AP3B1: variants seen among roughly 807,000 people sequenced by gnomAD.
AP3B1 encodes the protein adaptor related protein complex 3 subunit beta 1.
AP3B1 carries 61 observed loss-of-function variants against 132.5 expected under a neutral mutation model. The ratio of observed to expected loss-of-function variants is 0.46; its 90% CI spans 0.37 to 0.57. The LOEUF (loss-of-function observed/expected upper bound fraction) is 0.57. Ranked by LOEUF, AP3B1 falls within the 20% of genes least tolerant of loss-of-function variation. The pLI is 0.00. For synonymous variants in AP3B1, 388 were observed against 438.3 expected (o/e 0.89, Z 1.43); for missense variants, 1,120 against 1,289.4 (o/e 0.87, Z 2.01).
intron 14 of AP3B1, among the ~76,000 whole-genome samples, chr5:78,143,985 A>ACTC (rs1753271043): frequency 6.6e-6 from 1 of 152,122 alleles, no homozygotes; most frequent in South Asian, 2.1e-4. Context: ...AGCCTGGGTG[A>ACTC]CAGAGCGAGA....
intron 2 of AP3B1, among the ~76,000 whole-genome samples, chr5:78,247,617 T>C (rs1747433938): frequency 1.3e-5 from 2 of 152,070 alleles, no homozygotes; most frequent in South Asian, 2.1e-4. Flanking sequence ...CTAACCATAC[T>C]ATTTGTTCAA....
At chr5:78,164,797 C>A (rs1488849551) in intron 12 of AP3B1, among the ~76,000 whole-genome samples, 1 of 151,898 alleles carries the variant, frequency 6.6e-6, no homozygotes, top group African/African-American at 2.4e-5. Context: ...AAAAAGAAAT[C>A]GTGTATACAG....
chr5:78,156,653 A>T (rs953181545), intron 13 of AP3B1, among the ~76,000 whole-genome samples: 2 of 152,230 alleles, frequency 1.3e-5, no homozygotes. Context: ...ACGTTGGATT[A>T]TGCTGCTCAC....
chr5:78,265,480 T>A (rs918061919), intron 2 of AP3B1, among the ~76,000 whole-genome samples: 1 of 152,076 alleles, frequency 6.6e-6, no homozygotes, highest in Non-Finnish European at 1.5e-5. Flanking sequence ...AATGAACTTA[T>A]CAAGAGTGGT....
intron 15 of AP3B1, 140 bp downstream of exon 15, chr5:78,141,003 C>A: frequency 1.3e-6 from 1 of 758,966 alleles, no homozygotes; most frequent in Non-Finnish European, 2.4e-6. Flanking sequence ...GCACTAGTAT[C>A]ATCTAACATA....
intron 7 of AP3B1, among the ~76,000 whole-genome samples, chr5:78,184,365 TA>T (rs963290681): frequency 9.2e-5 from 14 of 151,528 alleles, no homozygotes; most frequent in Non-Finnish European, 1.9e-4. Flanking sequence ...TGAACAAAGA[TA>T]AAATAGACTA....
At chr5:78,082,725 C>T (rs1233668119) in intron 22 of AP3B1, among the ~76,000 whole-genome samples, 1 of 152,082 alleles carries the variant, frequency 6.6e-6, no homozygotes, top group Non-Finnish European at 1.5e-5. Context: ...AGTGTATTTC[C>T]ACAGAAAACC....
intron 14 of AP3B1, among the ~76,000 whole-genome samples, chr5:78,147,182 C>A (rs1753441140): frequency 6.6e-6 from 1 of 151,960 alleles, no homozygotes; most frequent in Admixed American, 6.6e-5. Flanking sequence ...TATTTGGTTG[C>A]CATATTTTTT....
intron 21 of AP3B1, among the ~76,000 whole-genome samples, 180 bp from the exon 22 acceptor site, chr5:78,089,679 T>C (rs1459283321): frequency 2.6e-5 from 4 of 152,216 alleles, no homozygotes; most frequent in Admixed American, 2.0e-4. Context: ...TTATTAGTCT[T>C]AGCTTTCAAA....
intron 7 of AP3B1, among the ~76,000 whole-genome samples, chr5:78,197,305 A>C (rs890907777): frequency 2.6e-5 from 4 of 152,138 alleles, no homozygotes; most frequent in African/African-American, 9.7e-5. Context: ...TCAGAATAAA[A>C]TATAGCTTTT....
At chr5:78,111,986 T>C (rs114758189) in intron 19 of AP3B1, among the ~76,000 whole-genome samples, 96 of 152,310 alleles carry the variant, frequency 6.3e-4, no homozygotes, top group African/African-American at 2.3e-3. Flanking sequence ...CACTATGTCA[T>C]ACTATCTCCC....
intron 21 of AP3B1, among the ~76,000 whole-genome samples, chr5:78,099,269 C>T (rs1013315486): frequency 3.3e-5 from 5 of 152,152 alleles, no homozygotes; most frequent in Non-Finnish European, 5.9e-5. Flanking sequence ...GTTATGCCAG[C>T]TCAAAGGGAC....
At chr5:78,052,021 A>T (rs904173826) in intron 22 of AP3B1, among the ~76,000 whole-genome samples, 2 of 151,422 alleles carry the variant, frequency 1.3e-5, no homozygotes, top group Admixed American at 6.6e-5. Flanking sequence ...AATAGGATTT[A>T]AAAAAGTAAA....
At chr5:78,292,424 C>A (rs1229600453) in intron 1 of AP3B1, among the ~76,000 whole-genome samples, 1 of 152,130 alleles carries the variant, frequency 6.6e-6, no homozygotes, top group Admixed American at 6.5e-5. Context: ...TATGCACTCA[C>A]TAATAAAAAT....
chr5:78,190,445 G>A (rs1319541883), intron 7 of AP3B1, among the ~76,000 whole-genome samples: 2 of 152,260 alleles, frequency 1.3e-5, no homozygotes, highest in Middle Eastern at 3.4e-3. Context: ...CTTTCTTGGA[G>A]GACAAGAATG....
chr5:78,263,396 T>C (rs1483392226), intron 2 of AP3B1, among the ~76,000 whole-genome samples: 1 of 152,200 alleles, frequency 6.6e-6, no homozygotes, highest in African/African-American at 2.4e-5. Context: ...GTTCTAACAG[T>C]TTTTTGTGGA....
At chr5:78,184,581 G>A (rs551252090) in intron 7 of AP3B1, among the ~76,000 whole-genome samples, 5 of 151,770 alleles carry the variant, frequency 3.3e-5, no homozygotes, top group Admixed American at 6.6e-5. Flanking sequence ...CCAGCTACTC[G>A]GGAGGCTGAG....
In AP3B1 at chr5:78,113,869, T is replaced by A. The variant is rs145162631; in HGVS notation, c.2132A>T (p.Asp711Val). 5.6e-6 allele frequency: 9 copies of A among 1,614,194 alleles called. No homozygotes were observed. In the East Asian group the frequency reaches 1.8e-4, roughly 32 times the overall value. Residue 711 changes from aspartate to valine, a missense_variant, in exon 19 of 27, where the codon GAC (aspartate) becomes GTC (valine). Around this residue, in one of 3 missense-constraint regions of AP3B1, gnomAD observed 906 missense variants for 997.1 expected, o/e 0.91. Transcript: ENST00000255194. Reference protein sequence around the residue: ...GEQGESGEEGDSNEDSSEDSS... With the variant: ...GEQGESGEEGVSNEDSSEDSS... Reference sequence around the variant, plus strand: ...GTCCTCACTGCTGTCCTCATTGCTGTCTCCTTCCTCCCCACTTTCGCCTTG... The same window carrying A: ...GTCCTCACTGCTGTCCTCATTGCTGACTCCTTCCTCCCCACTTTCGCCTTG...
At chr5:78,010,369 T>C (rs1192920534) in intron 26 of AP3B1, among the ~76,000 whole-genome samples, 1 of 152,174 alleles carries the variant, frequency 6.6e-6, no homozygotes, top group Non-Finnish European at 1.5e-5. Flanking sequence ...AAAATAGAGA[T>C]TCCTGGGCTC....
Sources: gnomAD v4.1 joint callset for allele counts (sites outside exome capture counted in the v4.1 genomes callset) on GRCh38, gnomAD v4.1.1 for gene constraint, gnomAD v4.1.1 regional missense constraint, MANE v1.5 for transcripts, NCBI Gene and HGNC (gene_info 2026-07-23, HGNC 2026-07-21) for gene names.